TBC1D10C: variants seen among roughly 807,000 people sequenced by gnomAD.
The protein encoded by TBC1D10C is TBC1 domain family member 10C.
In TBC1D10C, 49 loss-of-function variants were observed where a neutral mutation model predicts 51.0. The observed-to-expected ratio is 0.96, with a 90% CI of 0.76 to 1.22. The LOEUF is 1.22. TBC1D10C is among the 50% of genes most tolerant of loss of function. TBC1D10C has a pLI of 0.00. For synonymous variants in TBC1D10C, 281 were observed against 266.7 expected, an observed-to-expected ratio of 1.05 and a Z score of -0.52; for missense variants, 541 against 617.5, an observed-to-expected ratio of 0.88 and a Z score of 1.31.
At position 67,409,583 on chromosome 11, in the gene TBC1D10C, G is replaced by A. The variant is rs749024928; in HGVS notation, c.1170G>A (p.Glu390=). 6 of 1,549,236 alleles carry A rather than the reference G, an allele frequency of 3.9e-6. No homozygotes were observed. Among genetic ancestry groups the A allele is most frequent in the South Asian group, 2.4e-5 (2 of 84,148 alleles). ...GAGTGCGACGAGGCGCCAAGCCTGA[G>A]GTGCCTCGGATTGTGGTGCAGCCCC... ...LAGVRRGAKP[E]VPRIVVQPPE... Residue 390 remains glutamate, a synonymous_variant, in exon 9 of 9, where the codon GAG becomes GAA. Coordinates refer to ENST00000542590, the MANE Select transcript of TBC1D10C (RefSeq NM_001369496.1).
chr11:67,409,214 C>T (rs750598033), intron 8 of TBC1D10C, 81 bp downstream of exon 8: 204 of 1,467,050 alleles, frequency 1.4e-4, no homozygotes, highest in African/African-American at 6.1e-4. Context: ...GAAGCCAAAG[C>T]GAGAATGGGG....
rs1863381848 is a variant in TBC1D10C, at chr11:67,409,878, G to A, written c.*124G>A. Reference sequence around the variant, plus strand: ...TGGCTTCCTTCCTGGCAAGGACCAGGCAGTGGGGAAGGAGGAGGTCCTCCG... The same window carrying A: ...TGGCTTCCTTCCTGGCAAGGACCAGACAGTGGGGAAGGAGGAGGTCCTCCG... On this transcript the variant is annotated 3_prime_UTR_variant, in exon 9 of 9. Coordinates refer to ENST00000542590, the MANE Select transcript of TBC1D10C (RefSeq NM_001369496.1). 1.2e-6 allele frequency: 1 copy of A among 848,640 alleles called. No individual in the cohort carries two copies. Among genetic ancestry groups the A allele is most frequent in the African/African-American group, 1.7e-5 (1 of 58,464 alleles). The allele number at this position is 848,640 out of a possible 1,614,324, so 52.6% of individuals were successfully genotyped here.
At position 67,406,659 on chromosome 11, in the gene TBC1D10C, G is replaced by A; in HGVS notation, c.615G>A (p.Glu205=). 6.3e-7 allele frequency: 1 copy of A among 1,577,208 alleles called. No individual in the cohort carries two copies. Among genetic ancestry groups the A allele is most frequent in the Non-Finnish European group, 8.6e-7 (1 of 1,160,864 alleles). The change falls in exon 6 of 9, where the codon GAG becomes GAA. Residue 205 remains glutamate, a synonymous_variant. Transcript: ENST00000542590. ...TCTGGTGCCTGGTGCAGATCTGTGAGGTCTACCTCCCTGGGTACTACGGGC... is the reference window on the plus strand; with the variant it reads ...TCTGGTGCCTGGTGCAGATCTGTGAAGTCTACCTCCCTGGGTACTACGGGC... ...EAFWCLVQIC[E]VYLPGYYGPH...
intron 2 of TBC1D10C, 95 bp from the exon 3 acceptor site, chr11:67,405,304 C>A: frequency 6.6e-7 from 1 of 1,507,446 alleles, no homozygotes. Flanking sequence ...TCCCTGCCAC[C>A]CAAAGTGGGC....
intron 5 of TBC1D10C, 188 bp from the exon 6 acceptor site, chr11:67,406,439 C>T (rs1863165282): frequency 1.6e-6 from 1 of 607,078 alleles, no homozygotes; most frequent in Non-Finnish European, 2.9e-6. Flanking sequence ...TCAGCAGACC[C>T]TGTCTTGGGC....
intron 1 of TBC1D10C, among the ~76,000 whole-genome samples, chr11:67,404,591 T>A (rs958577849): frequency 2.6e-5 from 4 of 152,136 alleles, no homozygotes; most frequent in African/African-American, 7.2e-5. Context: ...GGGCAGAACA[T>A]CCTTCCCCTT....
intron 7 of TBC1D10C, chr11:67,408,245 T>A (rs1863278720): frequency 6.6e-6 from 1 of 152,230 alleles, no homozygotes; most frequent in Admixed American, 6.5e-5. Context: ...GGAAGAGCAG[T>A]TCTGCCTAGG....
chr11:67,408,816 G>A (rs1048741547), intron 7 of TBC1D10C, 163 bp from the exon 8 acceptor site: 9 of 876,910 alleles, frequency 1.0e-5, no homozygotes, highest in Admixed American at 7.5e-5. Flanking sequence ...CCAGTACAGC[G>A]GCCTGTGTTA....
chr11:67,403,930 G>C (rs888105848), upstream of TBC1D10C: 6 of 366,450 alleles, frequency 1.6e-5, no homozygotes, highest in African/African-American at 8.4e-5. Flanking sequence ...AGGAGGAAGT[G>C]AGAGGAGGAG....
rs144465418 is a variant in TBC1D10C, at chr11:67,405,800, G to A, written c.467+99G>A. ...AGCTCTACAGTCTTGCATCTCAGGGGACCCAGGAAGGCCCAGGGAGGCTGA... is the reference window on the plus strand; with the variant it reads ...AGCTCTACAGTCTTGCATCTCAGGGAACCCAGGAAGGCCCAGGGAGGCTGA... On this transcript the variant is annotated intron_variant, in intron 4 of 8. Transcript: ENST00000542590. 69 of 1,548,066 alleles carry A rather than the reference G, an allele frequency of 4.5e-5. No homozygotes were observed. In the African/African-American group the frequency reaches 8.4e-4, roughly 19 times the overall value.
chr11:67,408,844 C>T lies in TBC1D10C; in HGVS notation c.839-135C>T, dbSNP rs1809819416. On this transcript the variant is annotated intron_variant, in intron 7 of 8. Transcript: ENST00000542590. The stretch of plus-strand genomic sequence containing the variant: ...CTGTGTTACCCGAAATGCAACTCCA[C>T]CCTCTGTCATTGTTCCTGAACCGGG... 3.4e-5 allele frequency: 41 copies of T among 1,205,616 alleles called. No homozygotes were observed. The South Asian group carries it at 5.0e-4, about 15-fold the overall frequency. The allele number at this position is 1,205,616 out of a possible 1,614,324, so 74.7% of individuals were successfully genotyped here.
At chr11:67,409,329 C>G (rs1863340265) in intron 8 of TBC1D10C, 78 bp from the exon 9 acceptor site, 1 of 1,468,346 alleles carries the variant, frequency 6.8e-7, no homozygotes, top group Non-Finnish European at 9.2e-7. Flanking sequence ...TCCTCAGCCA[C>G]TTCCTGGGCT....
chr11:67,405,566 C>A (rs1461124952), intron 3 of TBC1D10C, 29 bp from the exon 4 acceptor site: 2 of 1,613,714 alleles, frequency 1.2e-6, no homozygotes, highest in Non-Finnish European at 1.7e-6. Context: ...ACACTGAACC[C>A]TCACACCCAC....
Position 67,406,990 on chromosome 11 carries a change from G to A in TBC1D10C, c.812G>A (p.Arg271His), listed in dbSNP as rs751138763. 14 of 1,612,604 alleles carry A rather than the reference G, an allele frequency of 8.7e-6. No homozygotes were observed. The highest frequency in any genetic ancestry group is 2.2e-5 in the South Asian group (2 of 91,050). Residue 271 changes from arginine to histidine, a missense_variant, in exon 7 of 9, where the codon CGT becomes CAT. Physicochemically the swap from Arg to His is conservative, Grantham distance 29. Transcript: ENST00000542590. Reference protein sequence around the residue: ...ARSLPFPTVLRVWDAFLSEGA... With the variant: ...ARSLPFPTVLHVWDAFLSEGA... ...TCCCTGCCCTTCCCCACAGTGCTGC[G>A]TGTCTGGGATGCCTTCCTCAGTGAG...
At chr11:67,405,731 C>A in intron 4 of TBC1D10C, 30 bp downstream of exon 4, 1 of 1,610,904 alleles carries the variant, frequency 6.2e-7, no homozygotes, top group Non-Finnish European at 8.5e-7. Context: ...CAGGGACCCC[C>A]AGCCCCACAA....
rs1258448878 is a variant in TBC1D10C at position 67,409,902 on chromosome 11, C to T, written c.*148C>T. On this transcript the variant is annotated 3_prime_UTR_variant, in exon 9 of 9. Transcript: ENST00000542590. ...GGCAGTGGGGAAGGAGGAGGTCCTC[C>T]GTGGTACATACTGGGTCAGGCACTA... is the stretch of plus-strand genomic sequence containing the variant. 17 of 694,220 alleles carry T rather than the reference C, an allele frequency of 2.4e-5. No individual in the cohort carries two copies. Among genetic ancestry groups the T allele is most frequent in the Admixed American group, 6.0e-5 (2 of 33,326 alleles). 43.0% of individuals were successfully genotyped at this position (694,220 alleles called of 1,614,324 possible).
chr11:67,407,490 T>C (rs1474392834), intron 7 of TBC1D10C: 1 of 165,026 alleles, frequency 6.1e-6, no homozygotes, highest in Admixed American at 5.9e-5. Context: ...TGACAGGGAG[T>C]GTCAGGGGAG....
intron 8 of TBC1D10C, 48 bp from the exon 9 acceptor site, chr11:67,409,359 G>C (rs576313976): frequency 1.3e-6 from 2 of 1,526,932 alleles, no homozygotes; most frequent in African/African-American, 2.8e-5. Context: ...ACAGTTTCCT[G>C]TTCCTGCCTT....
In TBC1D10C at chr11:67,405,857, A is replaced by AG. The variant is rs1242164083; in HGVS notation, c.468-41dup. On this transcript the variant is annotated intron_variant, in intron 4 of 8. Coordinates refer to ENST00000542590, the MANE Select transcript of TBC1D10C (RefSeq NM_001369496.1). ...GGCAGAGGCCCCCAGAGGGTGGAGA[A>AG]GGGGGTGCCTGCAGGACTGGCCCCT... 2.6e-6 allele frequency: 4 copies of AG among 1,550,880 alleles called. No individual in the cohort carries two copies. The Admixed American group carries it at 8.1e-5, about 31-fold the overall frequency.
Sources: allele counts gnomAD v4.1 joint callset (sites outside exome capture counted in the v4.1 genomes callset), GRCh38; gene constraint gnomAD v4.1.1; transcripts MANE v1.5; gene names NCBI Gene and HGNC (gene_info 2026-07-23, HGNC 2026-07-21).